The following REV1 variants were observed in gnomAD, a reference collection of about 807,000 sequenced individuals.
The protein encoded by REV1 is translesion synthesis protein REV1.
REV1 carries 42 observed loss-of-function variants against 137.4 expected under a neutral mutation model. That is an observed-to-expected ratio of 0.31 (90% CI 0.24 to 0.40). The LOEUF (loss-of-function observed/expected upper bound fraction) is 0.40. REV1 is among the 10% of genes least tolerant of loss of function. The pLI, the probability that REV1 is intolerant of heterozygous loss-of-function variation, is 1.00. For missense variants in REV1, 1,282 were observed against 1,490.1 expected (o/e 0.86, Z 2.30); for synonymous variants, 524 against 519.2 (o/e 1.01, Z -0.12).
At chr2:99,478,358 C>G (rs553403470) in intron 1 of REV1, among the ~76,000 whole-genome samples, 29 of 152,298 alleles carry the variant, frequency 1.9e-4, no homozygotes, top group South Asian at 4.1e-4. Context: ...ACCACATGGC[C>G]CAATTGCATT....
At chr2:99,465,123 T>C (rs551659722) in intron 1 of REV1, 138 bp from the exon 2 acceptor site, 1 of 720,528 alleles carries the variant, frequency 1.4e-6, no homozygotes, top group Non-Finnish European at 2.3e-6. Context: ...TAAGTAAACT[T>C]TTTCTGAAGT....
chr2:99,427,805 C>A (rs181895240), intron 9 of REV1, among the ~76,000 whole-genome samples: 31 of 152,142 alleles, frequency 2.0e-4, no homozygotes, highest in African/African-American at 7.2e-4. Flanking sequence ...TCATTTTCAT[C>A]ACTTTATGTA....
chr2:99,448,234 CAACT>C (rs2104935809), intron 4 of REV1, among the ~76,000 whole-genome samples: 1 of 152,274 alleles, frequency 6.6e-6, no homozygotes, highest in East Asian at 1.9e-4. Context: ...AAAAATTCAG[CAACT>C]GACTTAAAAA....
chr2:99,412,992 T>G (rs1426759300), intron 12 of REV1, 41 bp from the exon 13 acceptor site: 1 of 1,389,234 alleles, frequency 7.2e-7, no homozygotes, highest in Non-Finnish European at 1.0e-6. Context: ...AATAAGCTAC[T>G]AATAACAAGT....
At position 99,450,019 on chromosome 2, in the gene REV1, A is replaced by T. The variant is rs147028192; in HGVS notation, c.182-515T>A. ...AGATTTTACTTCTAGAAAGCTTTATAATTTTTATTTTTATTTAAGAAAATA... is the reference window on the plus strand; with the variant it reads ...AGATTTTACTTCTAGAAAGCTTTATTATTTTTATTTTTATTTAAGAAAATA... On this transcript the variant is annotated intron_variant, in intron 3 of 22. Coordinates refer to ENST00000258428, the MANE Select transcript of REV1 (RefSeq NM_016316.4). Among the ~76,000 whole-genome samples, 2 of 152,272 alleles carry T rather than the reference A, an allele frequency of 1.3e-5. 1 individual carries two copies. Among genetic ancestry groups the T allele is most frequent in the East Asian group, 3.9e-4 (2 of 5,186 alleles).
intron 13 of REV1, among the ~76,000 whole-genome samples, chr2:99,411,709 C>CCTTT (rs939487956): frequency 6.6e-6 from 1 of 150,822 alleles, no homozygotes; most frequent in Non-Finnish European, 1.5e-5. Context: ...GCATAGGGCC[C>CCTTT]CTTTCTTTCT....
intron 9 of REV1, among the ~76,000 whole-genome samples, chr2:99,427,711 T>C (rs1367249550): frequency 6.6e-6 from 1 of 152,126 alleles, no homozygotes; most frequent in Non-Finnish European, 1.5e-5. Flanking sequence ...AAACTTTCAC[T>C]AGGAATAGCC....
chr2:99,409,551 C>T (rs1234831750), intron 14 of REV1, among the ~76,000 whole-genome samples: 1 of 152,142 alleles, frequency 6.6e-6, no homozygotes, highest in East Asian at 1.9e-4. Context: ...ACATAAAAGA[C>T]GAGTGTTTCA....
intron 11 of REV1, among the ~76,000 whole-genome samples, chr2:99,419,360 C>G (rs968316512): frequency 1.3e-5 from 2 of 151,682 alleles, no homozygotes; most frequent in Non-Finnish European, 2.9e-5. Flanking sequence ...CTACAGGCGC[C>G]CACCACCATG....
At chr2:99,487,051 C>A (rs114222077) in intron 1 of REV1, among the ~76,000 whole-genome samples, 40 of 152,304 alleles carry the variant, frequency 2.6e-4, no homozygotes, top group Middle Eastern at 6.8e-3. Flanking sequence ...GACATTTGAG[C>A]AGAAACACAA....
chr2:99,416,806 G>A (rs538443839), intron 12 of REV1, among the ~76,000 whole-genome samples: 2 of 150,478 alleles, frequency 1.3e-5, no homozygotes, highest in African/African-American at 2.4e-5. Flanking sequence ...CCAGCTACTC[G>A]GGAGGCTGAG....
At chr2:99,470,138 AT>A (rs1187500680) in intron 1 of REV1, among the ~76,000 whole-genome samples, 1 of 151,912 alleles carries the variant, frequency 6.6e-6, no homozygotes, top group Non-Finnish European at 1.5e-5. Context: ...AAAAAAAGAT[AT>A]TTCATCTATT....
chr2:99,481,721 T>C (rs1040663011), intron 1 of REV1, among the ~76,000 whole-genome samples: 4 of 151,256 alleles, frequency 2.6e-5, no homozygotes, highest in African/African-American at 9.7e-5. Flanking sequence ...AAATTTAAAT[T>C]AGCCAGGTGC....
intron 4 of REV1, among the ~76,000 whole-genome samples, chr2:99,444,008 G>C (rs925871135): frequency 1.3e-5 from 2 of 152,034 alleles, no homozygotes; most frequent in African/African-American, 4.8e-5. Flanking sequence ...TTTTAGTAGA[G>C]ACGGGGTTTC....
At chr2:99,424,406 G>A in intron 9 of REV1, 126 bp from the exon 10 acceptor site, 2 of 1,015,016 alleles carry the variant, frequency 2.0e-6, no homozygotes, top group Non-Finnish European at 2.8e-6. Context: ...TTCTCATTAG[G>A]GATTAAAGAT....
chr2:99,431,950 A>C, intron 8 of REV1: 1 of 944,606 alleles, frequency 1.1e-6, no homozygotes, highest in Non-Finnish European at 1.3e-6. Flanking sequence ...TCTGTGAAAA[A>C]GAAATCGCTG....
chr2:99,447,366 T>A (rs1309712246), intron 4 of REV1, among the ~76,000 whole-genome samples: 1 of 152,040 alleles, frequency 6.6e-6, no homozygotes, highest in African/African-American at 2.4e-5. Flanking sequence ...GAGACAGGGT[T>A]TCACCAAGTT....
chr2:99,418,898 A>T lies in REV1; in HGVS notation c.1881T>A (p.Asp627Glu). 1 of 1,613,024 alleles carries T rather than the reference A, an allele frequency of 6.2e-7. No homozygotes were observed. Among genetic ancestry groups the T allele is most frequent in the South Asian group, 1.1e-5 (1 of 91,036 alleles). ...CTTCTGGTTTTAGGTGGTACTGCCC[A>T]TCTGGTTTTGCTTTTCTAGTTGCCA... ...ARMATRKAKP[D>E]GQYHLKPEEV... is the part of the protein sequence containing the mutation. The change falls in exon 12 of 23, where the codon GAT (aspartate) becomes GAA (glutamate). Residue 627 changes from aspartate to glutamate, a missense_variant. Transcript: ENST00000258428.
chr2:99,474,327 C>T (rs766072171), intron 1 of REV1, among the ~76,000 whole-genome samples: 1 of 152,190 alleles, frequency 6.6e-6, no homozygotes, highest in Non-Finnish European at 1.5e-5. Context: ...TTCTGTAAGG[C>T]TGCACTGCTG....
Sources: allele counts gnomAD v4.1 joint callset (sites outside exome capture counted in the v4.1 genomes callset), GRCh38; gene constraint gnomAD v4.1.1; transcripts MANE v1.5; gene names NCBI Gene and HGNC (gene_info 2026-07-23, HGNC 2026-07-21).